The following PPP1R12A variants were observed in gnomAD, a reference collection of about 807,000 sequenced individuals.
The protein encoded by PPP1R12A is myosin binding subunit.
In PPP1R12A, 19 loss-of-function variants were observed where a neutral mutation model predicts 139.6. That is an observed-to-expected ratio of 0.14 (90% confidence interval 0.09 to 0.20). PPP1R12A has a LOEUF of 0.20. Among genes scored for constraint, PPP1R12A ranks in the 10% least tolerant of loss-of-function variants. The pLI is 1.00. For synonymous variants in PPP1R12A, 427 were observed against 420.6 expected (o/e 1.02, Z -0.19); for missense variants, 925 against 1,211.5 (o/e 0.76, Z 3.51).
intron 1 of PPP1R12A, among the ~76,000 whole-genome samples, chr12:79,880,569 CAAGT>C (rs1260115199): frequency 5.9e-5 from 9 of 151,892 alleles, no homozygotes; most frequent in Non-Finnish European, 1.0e-4. Context: ...AACGGTGGCT[CAAGT>C]AAGTAGTAGG....
At chr12:79,797,695 C>CTG (rs955430608) in intron 15 of PPP1R12A, among the ~76,000 whole-genome samples, 1 of 151,668 alleles carries the variant, frequency 6.6e-6, no homozygotes, top group African/African-American at 2.4e-5. Context: ...ATATATATGT[C>CTG]TGTGTGTGTG....
intron 1 of PPP1R12A, among the ~76,000 whole-genome samples, chr12:79,884,663 A>C (rs983311208): frequency 6.6e-6 from 1 of 152,208 alleles, no homozygotes; most frequent in Non-Finnish European, 1.5e-5. Flanking sequence ...CCATATAAGG[A>C]AAGAAGCAGA....
At chr12:79,849,272 C>T (rs1398143131) in intron 2 of PPP1R12A, among the ~76,000 whole-genome samples, 1 of 151,980 alleles carries the variant, frequency 6.6e-6, no homozygotes, top group Non-Finnish European at 1.5e-5. Flanking sequence ...CCTGTAATCC[C>T]AGCTACTTGG....
intron 5 of PPP1R12A, among the ~76,000 whole-genome samples, chr12:79,827,791 T>C (rs1428001183): frequency 1.3e-5 from 2 of 152,162 alleles, no homozygotes; most frequent in East Asian, 1.9e-4. Context: ...ACTAGAAGAC[T>C]AGATGATGTT....
At chr12:79,842,554 A>G (rs1286833807) in intron 3 of PPP1R12A, among the ~76,000 whole-genome samples, 2 of 149,346 alleles carry the variant, frequency 1.3e-5, no homozygotes, top group Non-Finnish European at 2.9e-5. Flanking sequence ...ATGGACTATA[A>G]CAAAAATCAC....
intron 1 of PPP1R12A, among the ~76,000 whole-genome samples, chr12:79,884,829 T>C (rs1202828202): frequency 6.6e-6 from 1 of 152,166 alleles, no homozygotes; most frequent in Non-Finnish European, 1.5e-5. Context: ...ACTTGAGTTG[T>C]AAACTGATTC....
intron 2 of PPP1R12A, among the ~76,000 whole-genome samples, chr12:79,862,570 A>G (rs1028435016): frequency 3.3e-5 from 5 of 152,202 alleles, no homozygotes; most frequent in African/African-American, 1.2e-4. Flanking sequence ...AAAAACCTTG[A>G]AAAAAGGTTA....
At chr12:79,928,668 C>G (rs1454797462) in intron 1 of PPP1R12A, among the ~76,000 whole-genome samples, 2 of 152,180 alleles carry the variant, frequency 1.3e-5, no homozygotes, top group Non-Finnish European at 2.9e-5. Flanking sequence ...AAAGGGTAAA[C>G]AGTTACAAAC....
intron 24 of PPP1R12A, chr12:79,777,540 T>C: frequency 3.0e-6 from 3 of 985,262 alleles, no homozygotes; most frequent in Non-Finnish European, 3.6e-6. Flanking sequence ...AGACTGCAGT[T>C]GCCTATAGAA....
At chr12:79,833,149 T>C (rs776686838) in intron 3 of PPP1R12A, among the ~76,000 whole-genome samples, 1 of 152,246 alleles carries the variant, frequency 6.6e-6, no homozygotes, top group Non-Finnish European at 1.5e-5. Context: ...CTCACACCTA[T>C]AATCCCAGCT....
At chr12:79,933,840 C>T (rs747808193) in intron 1 of PPP1R12A, among the ~76,000 whole-genome samples, 7 of 152,200 alleles carry the variant, frequency 4.6e-5, no homozygotes, top group Non-Finnish European at 1.0e-4. Context: ...TTGTGACCAG[C>T]TTTCTTTTTT....
chr12:79,820,590 T>A (rs2137112304), intron 8 of PPP1R12A, among the ~76,000 whole-genome samples, 184 bp downstream of exon 8: 1 of 152,134 alleles, frequency 6.6e-6, no homozygotes, highest in East Asian at 1.9e-4. Flanking sequence ...TCCAGATAAT[T>A]AAATAATAAT....
chr12:79,928,105 TTTC>T (rs1249584632), intron 1 of PPP1R12A, among the ~76,000 whole-genome samples: 1 of 152,246 alleles, frequency 6.6e-6, no homozygotes, highest in Non-Finnish European at 1.5e-5. Context: ...TTAAAACACT[TTTC>T]TTATGTGAAC....
At chr12:79,814,416 G>T (rs1875003512) in intron 9 of PPP1R12A, among the ~76,000 whole-genome samples, 1 of 143,338 alleles carries the variant, frequency 7.0e-6, no homozygotes, top group Non-Finnish European at 1.5e-5. Flanking sequence ...GGCGGAGCTT[G>T]CAGTGAGCCG....
At chr12:79,853,946 T>C (rs1222463790) in intron 2 of PPP1R12A, among the ~76,000 whole-genome samples, 3 of 152,232 alleles carry the variant, frequency 2.0e-5, no homozygotes, top group Admixed American at 6.5e-5. Context: ...GGGTTGTCAT[T>C]ATCATCCACA....
At position 79,786,634 on chromosome 12, in the gene PPP1R12A, C is replaced by A. The variant is rs1167405475; in HGVS notation, c.2803-156G>T. On this transcript the variant is annotated intron_variant, in intron 21 of 24. Coordinates refer to ENST00000450142, the MANE Select transcript of PPP1R12A (RefSeq NM_002480.3). ...ATCCTTCATGGTTGCAAAGCAGAGA[C>A]TGTTCGTTATGCAAGTGTGTTTGTC... 1.4e-5 allele frequency: 7 copies of A among 502,456 alleles called. 1 individual carries two copies. Among genetic ancestry groups the A allele is most frequent in the East Asian group, 7.1e-5 (2 of 28,094 alleles). 31.1% of individuals were successfully genotyped at this position (502,456 alleles called of 1,614,324 possible).
intron 1 of PPP1R12A, among the ~76,000 whole-genome samples, chr12:79,879,589 C>CAA (rs1407135771): frequency 6.6e-6 from 1 of 151,972 alleles, no homozygotes; most frequent in Non-Finnish European, 1.5e-5. Flanking sequence ...CTATCTTCAA[C>CAA]AACATGAATG....
At chr12:79,836,321 G>A (rs1329396077) in intron 3 of PPP1R12A, among the ~76,000 whole-genome samples, 1 of 151,830 alleles carries the variant, frequency 6.6e-6, no homozygotes, top group Non-Finnish European at 1.5e-5. Context: ...CTTTTTTAAT[G>A]TTACTCTCTT....
In PPP1R12A at chr12:79,776,019, TA is replaced by T. The variant is rs1490322905; in HGVS notation, c.3007-5del. 3.9e-6 allele frequency: 6 copies of T among 1,558,120 alleles called. No homozygotes were observed. Among genetic ancestry groups the T allele is most frequent in the Non-Finnish European group, 4.4e-6 (5 of 1,147,496 alleles). ...CTGCTTTTAGGTCTGGTAACATCTA[TA>T]AAGAGAAAAATTGAAGATCAAGTTT... On this transcript the variant is annotated splice_polypyrimidine_tract_variant and splice_region_variant and intron_variant, in intron 24 of 24. Transcript: ENST00000450142.
Sources: allele counts gnomAD v4.1 joint callset (sites outside exome capture counted in the v4.1 genomes callset), GRCh38; gene constraint gnomAD v4.1.1; transcripts MANE v1.5; gene names NCBI Gene and HGNC (gene_info 2026-07-23, HGNC 2026-07-21).